Variants in SPMIP7 observed in about 807,000 individuals in gnomAD.
The protein encoded by SPMIP7 is protein SPMIP7.
the SPMIP7 span, among the ~76,000 whole-genome samples, chr7:50,148,282 A>C: frequency 6.6e-6 from 1 of 152,238 alleles, no homozygotes; most frequent in Non-Finnish European, 1.5e-5. Flanking sequence ...CTTCCATGAA[A>C]TGTTATTATT....
chr7:50,125,145 T>C, the SPMIP7 span, among the ~76,000 whole-genome samples: 66 of 54,754 alleles, frequency 1.2e-3, 3 homozygotes, highest in African/African-American at 3.1e-3. Flanking sequence ...CACACACATA[T>C]ACACACATAT....
At chr7:50,137,601 A>G in the SPMIP7 span, among the ~76,000 whole-genome samples, 16 of 152,094 alleles carry the variant, frequency 1.1e-4, no homozygotes, top group African/African-American at 2.4e-4. Flanking sequence ...TTCTTCTCCA[A>G]ATGAGTTTCA....
chr7:50,126,056 C>A, the SPMIP7 span, among the ~76,000 whole-genome samples: 1 of 152,070 alleles, frequency 6.6e-6, no homozygotes, highest in African/African-American at 2.4e-5. Flanking sequence ...AATCATTACA[C>A]AATGTATACA....
At chr7:50,141,471 T>C in the SPMIP7 span, 3 of 870,276 alleles carry the variant, frequency 3.4e-6, no homozygotes, top group Non-Finnish European at 3.7e-6. Flanking sequence ...ATGAAGGAAT[T>C]TAAACGTGGC....
the SPMIP7 span, chr7:50,104,540 A>G: frequency 3.6e-6 from 1 of 274,478 alleles, no homozygotes; most frequent in Middle Eastern, 1.2e-3. Context: ...TACTATGTAT[A>G]TAGTTCTTCT....
the SPMIP7 span, among the ~76,000 whole-genome samples, chr7:50,132,059 C>T: frequency 6.6e-6 from 1 of 152,046 alleles, no homozygotes; most frequent in Non-Finnish European, 1.5e-5. Flanking sequence ...TGTATGAACG[C>T]CTACTATCCC....
the SPMIP7 span, among the ~76,000 whole-genome samples, chr7:50,150,302 A>G: frequency 1.3e-5 from 2 of 152,154 alleles, no homozygotes; most frequent in South Asian, 4.1e-4. Context: ...TGCCACAAGG[A>G]TGTCCTGCTC....
At chr7:50,129,023 GT>G in the SPMIP7 span, among the ~76,000 whole-genome samples, 1 of 152,034 alleles carries the variant, frequency 6.6e-6, no homozygotes, top group Admixed American at 6.6e-5. Flanking sequence ...AGTCAATGAG[GT>G]AAATTTGTTA....
chr7:50,097,873 C>T, the SPMIP7 span, among the ~76,000 whole-genome samples: 1 of 152,082 alleles, frequency 6.6e-6, no homozygotes, highest in Non-Finnish European at 1.5e-5. Flanking sequence ...AATGAATTAA[C>T]ACTTGTAAAG....
chr7:50,125,115 T>TATATATATATATATACAC, the SPMIP7 span, among the ~76,000 whole-genome samples: 33 of 25,410 alleles, frequency 1.3e-3, 5 homozygotes, highest in South Asian at 0.03. Context: ...TATATATATA[T>TATATATATATATATACAC]ACACACACAC....
At chr7:50,158,977 G>A in the SPMIP7 span, 38 of 1,489,104 alleles carry the variant, frequency 2.6e-5, 1 homozygote, top group African/African-American at 4.2e-4. Flanking sequence ...TCATTAGTTG[G>A]ATGAGGTTGT....
the SPMIP7 span, among the ~76,000 whole-genome samples, chr7:50,151,815 T>C: frequency 6.6e-6 from 1 of 152,184 alleles, no homozygotes; most frequent in Non-Finnish European, 1.5e-5. Flanking sequence ...TTAATGTTAT[T>C]ACGAATGTGG....
the SPMIP7 span, among the ~76,000 whole-genome samples, chr7:50,119,616 A>G: frequency 6.6e-6 from 1 of 152,268 alleles, no homozygotes; most frequent in Admixed American, 6.5e-5. Flanking sequence ...TAAAACCTCA[A>G]AGGAGGAGTA....
chr7:50,145,028 G>A, the SPMIP7 span, among the ~76,000 whole-genome samples: 8 of 152,022 alleles, frequency 5.3e-5, no homozygotes, highest in African/African-American at 1.9e-4. Flanking sequence ...TTGGGAAGCC[G>A]AGGCGGGTGG....
chr7:50,098,009 G>A, the SPMIP7 span, among the ~76,000 whole-genome samples: 1 of 152,046 alleles, frequency 6.6e-6, no homozygotes, highest in South Asian at 2.1e-4. Context: ...ATTTGTCCTA[G>A]GCTTTCAATG....
the SPMIP7 span, among the ~76,000 whole-genome samples, chr7:50,125,165 TATATAC>T: frequency 6.8e-4 from 25 of 36,806 alleles, no homozygotes; most frequent in African/African-American, 3.2e-3. Flanking sequence ...TATATACACA[TATATAC>T]ACATATATAT....
the SPMIP7 span, among the ~76,000 whole-genome samples, chr7:50,145,604 GTGTA>G: frequency 5.9e-5 from 3 of 50,820 alleles, no homozygotes; most frequent in South Asian, 8.0e-4. Flanking sequence ...GTGTGTGTGT[GTGTA>G]TATGTGTGTG....
the SPMIP7 span, among the ~76,000 whole-genome samples, chr7:50,150,016 C>T: frequency 3.3e-5 from 5 of 152,098 alleles, no homozygotes; most frequent in Non-Finnish European, 7.4e-5. Flanking sequence ...ATCTTCCTCC[C>T]AACCCTTAAG....
At chr7:50,145,770 C>A in the SPMIP7 span, among the ~76,000 whole-genome samples, 1 of 150,278 alleles carries the variant, frequency 6.7e-6, no homozygotes, top group Non-Finnish European at 1.5e-5. Flanking sequence ...GCCCAGCTAA[C>A]AGAGCAGCAC....
Sources: allele counts gnomAD v4.1 joint callset (sites outside exome capture counted in the v4.1 genomes callset), GRCh38; gene constraint gnomAD v4.1.1; transcripts MANE v1.5; gene names NCBI Gene and HGNC (gene_info 2026-07-23, HGNC 2026-07-21).